Variants in PPP1R13B observed in about 807,000 individuals in gnomAD.
The protein encoded by PPP1R13B is apoptosis-stimulating of p53 protein 1.
A neutral mutation model predicts 119.8 loss-of-function variants in PPP1R13B; 44 were observed. The ratio of observed to expected loss-of-function variants is 0.37; its 90% CI spans 0.29 to 0.47. The LOEUF (loss-of-function observed/expected upper bound fraction) is 0.47. Ranked by LOEUF, PPP1R13B falls within the 20% of genes least tolerant of loss-of-function variation. The pLI, the probability that PPP1R13B is intolerant of heterozygous loss-of-function variation, is 0.99. For synonymous variants in PPP1R13B, 542 were observed against 561.5 expected, an observed-to-expected ratio of 0.97 and a Z score of 0.49; for missense variants, 1,227 against 1,413.5, an observed-to-expected ratio of 0.87 and a Z score of 2.12.
intron 3 of PPP1R13B, among the ~76,000 whole-genome samples, chr14:103,782,673 A>C (rs1235560639): frequency 6.6e-6 from 1 of 152,242 alleles, no homozygotes; most frequent in African/African-American, 2.4e-5. Flanking sequence ...GACAGTTAAA[A>C]TATAGTATTT....
chr14:103,818,198 T>C (rs980096806), intron 1 of PPP1R13B, among the ~76,000 whole-genome samples: 1 of 152,162 alleles, frequency 6.6e-6, no homozygotes, highest in African/African-American at 2.4e-5. Context: ...AAATTAAAAA[T>C]GAAAACTTTA....
At chr14:103,842,828 T>C (rs574213699) in intron 1 of PPP1R13B, among the ~76,000 whole-genome samples, 1 of 150,968 alleles carries the variant, frequency 6.6e-6, no homozygotes, top group African/African-American at 2.4e-5. Context: ...CATGCTAAAA[T>C]TAGCCAGGCA....
intron 1 of PPP1R13B, among the ~76,000 whole-genome samples, chr14:103,818,789 C>T (rs1463055486): frequency 2.0e-5 from 3 of 152,108 alleles, no homozygotes; most frequent in Non-Finnish European, 4.4e-5. Context: ...TTGGCACTGA[C>T]AAAATGGACA....
chr14:103,790,056 G>C (rs1268920476), intron 2 of PPP1R13B, among the ~76,000 whole-genome samples: 1 of 151,772 alleles, frequency 6.6e-6, no homozygotes, highest in African/African-American at 2.4e-5. Context: ...GACCAGCCTG[G>C]CCAACATGGT....
At chr14:103,752,534 CTTTT>C (rs35277937) in intron 7 of PPP1R13B, among the ~76,000 whole-genome samples, 3 of 126,298 alleles carry the variant, frequency 2.4e-5, no homozygotes, top group Non-Finnish European at 4.9e-5. Context: ...GAATTAGATC[CTTTT>C]TTTTTTTTTT....
chr14:103,745,031 T>C (rs1335261717), intron 9 of PPP1R13B, among the ~76,000 whole-genome samples: 1 of 152,204 alleles, frequency 6.6e-6, no homozygotes, highest in African/African-American at 2.4e-5. Context: ...TACCTCCCAC[T>C]GGAAACAGAC....
chr14:103,796,838 G>A (rs145927471), intron 2 of PPP1R13B, among the ~76,000 whole-genome samples: 9 of 152,186 alleles, frequency 5.9e-5, no homozygotes, highest in African/African-American at 1.9e-4. Context: ...CGCGCCTATA[G>A]CCCCAGCTAC....
At chr14:103,746,315 G>A (rs112633396) in intron 9 of PPP1R13B, 58 bp downstream of exon 9, 26 of 923,364 alleles carry the variant, frequency 2.8e-5, no homozygotes, top group African/African-American at 1.8e-4. Flanking sequence ...CCCCTCCACC[G>A]CAGGCCCCAT....
In PPP1R13B at chr14:103,754,221, C is replaced by T. The variant is rs1174427083; in HGVS notation, c.480G>A (p.Lys160=). 6.2e-7 allele frequency: 1 copy of T among 1,612,426 alleles called. No homozygotes were observed. Residue 160 remains lysine, a synonymous_variant, in exon 6 of 17, where the codon AAG becomes AAA. Transcript: ENST00000202556. ...VAKEQRLHFL[K]QQERRQQQSI... ...ACTGCTGCTGACGGCGCTCCTGTTG[C>T]TTTAGAAAATGTAAACGCTGTTCCT... is the stretch of plus-strand genomic sequence containing the variant.
chr14:103,769,438 C>T (rs1012506265), intron 4 of PPP1R13B, among the ~76,000 whole-genome samples: 3 of 152,124 alleles, frequency 2.0e-5, no homozygotes, highest in Admixed American at 1.3e-4. Flanking sequence ...CAGTGTCTCA[C>T]TATGTTACCC....
intron 8 of PPP1R13B, chr14:103,747,161 C>G (rs1171835904): frequency 6.6e-6 from 1 of 152,236 alleles, no homozygotes; most frequent in East Asian, 1.9e-4. Flanking sequence ...GGAACAGAGG[C>G]GCCTGGAACA....
chr14:103,736,381 G>A (rs192126572), intron 15 of PPP1R13B, 179 bp from the exon 16 acceptor site: 16 of 630,106 alleles, frequency 2.5e-5, no homozygotes, highest in African/African-American at 5.5e-5. Flanking sequence ...TACCTCCCCT[G>A]CCCGGCCCAG....
intron 16 of PPP1R13B, among the ~76,000 whole-genome samples, chr14:103,735,494 C>T (rs972347015): frequency 6.6e-6 from 1 of 152,256 alleles, no homozygotes; most frequent in Non-Finnish European, 1.5e-5. Context: ...GCCTGGCTCC[C>T]TGCTGTGTTT....
intron 4 of PPP1R13B, among the ~76,000 whole-genome samples, chr14:103,765,960 C>T (rs569914424): frequency 3.1e-4 from 47 of 150,798 alleles, no homozygotes; most frequent in Admixed American, 6.6e-4. Flanking sequence ...ATGATGCTTA[C>T]AAAAACTCTC....
chr14:103,805,763 G>A (rs892548721), intron 1 of PPP1R13B, among the ~76,000 whole-genome samples: 3 of 152,174 alleles, frequency 2.0e-5, no homozygotes, highest in Admixed American at 1.3e-4. Context: ...CTAAGTGAAA[G>A]AGGCCAGACA....
intron 2 of PPP1R13B, among the ~76,000 whole-genome samples, chr14:103,790,643 G>A (rs903614901): frequency 1.3e-5 from 2 of 150,916 alleles, no homozygotes; most frequent in South Asian, 2.1e-4. Flanking sequence ...CCTGGGAGGT[G>A]GAGGTTGCAG....
Position 103,734,801 on chromosome 14 carries a change from G to T in PPP1R13B, c.*353C>A. The T allele has an allele frequency of 6.5e-6, 3 of 459,126 alleles. No homozygotes were observed. The highest frequency in any genetic ancestry group is 5.0e-5 in the South Asian group (3 of 59,618). The allele number at this position is 459,126 out of a possible 1,614,324, so 28.4% of individuals were successfully genotyped here. On this transcript the variant is annotated 3_prime_UTR_variant, in exon 17 of 17. Transcript: ENST00000202556. The stretch of plus-strand genomic sequence containing the variant: ...GACAGTGTTCACTGCTGGAGGGGGT[G>T]ATGGCCTCGGGGCCAAGTCAGTAAG...
At chr14:103,805,819 A>T (rs1264886039) in intron 1 of PPP1R13B, among the ~76,000 whole-genome samples, 1 of 152,208 alleles carries the variant, frequency 6.6e-6, no homozygotes, top group Non-Finnish European at 1.5e-5. Flanking sequence ...AAATGCCCAA[A>T]ACAGTCAAAT....
intron 5 of PPP1R13B, 127 bp downstream of exon 5, chr14:103,757,523 T>C (rs184226419): frequency 9.4e-5 from 73 of 774,192 alleles, no homozygotes; most frequent in African/African-American, 9.0e-4. Flanking sequence ...AAAGACTGCA[T>C]TTAGCACTCC....
Sources: gnomAD v4.1 joint callset for allele counts (sites outside exome capture counted in the v4.1 genomes callset) on GRCh38, gnomAD v4.1.1 for gene constraint, MANE v1.5 for transcripts, NCBI Gene and HGNC (gene_info 2026-07-23, HGNC 2026-07-21) for gene names.